Variants in LARP1 observed in about 807,000 individuals in gnomAD.
LARP1 encodes la-related protein 1.
Under a neutral mutation model 122.7 loss-of-function variants are expected in LARP1, and 36 were observed. The observed-to-expected ratio is 0.29, with a 90% confidence interval of 0.22 to 0.39. The LOEUF is 0.39. Among genes scored for constraint, LARP1 ranks in the 10% least tolerant of loss-of-function variants. The pLI is 1.00. For synonymous variants in LARP1, 539 were observed against 528.7 expected, an observed-to-expected ratio of 1.02 and a Z score of -0.27; for missense variants, 1,040 against 1,403.6, an observed-to-expected ratio of 0.74 and a Z score of 4.14.
intron 1 of LARP1, among the ~76,000 whole-genome samples, chr5:154,694,023 G>A (rs1175814118): frequency 3.9e-5 from 6 of 152,058 alleles, no homozygotes; most frequent in African/African-American, 1.2e-4. Context: ...AGAGGAACAC[G>A]TTAAACAACA....
intron 1 of LARP1, among the ~76,000 whole-genome samples, chr5:154,768,352 A>G (rs781739322): frequency 3.9e-5 from 6 of 152,256 alleles, no homozygotes; most frequent in Non-Finnish European, 8.8e-5. Context: ...GTTGTAAACA[A>G]GACACATTGC....
At chr5:154,775,833 C>T (rs1369570058) in intron 1 of LARP1, among the ~76,000 whole-genome samples, 1 of 152,136 alleles carries the variant, frequency 6.6e-6, no homozygotes, top group Non-Finnish European at 1.5e-5. Flanking sequence ...AGTCAGATAC[C>T]TTCTCACTGG....
chr5:154,687,430 G>A (rs923713692), intron 1 of LARP1, among the ~76,000 whole-genome samples: 7 of 152,270 alleles, frequency 4.6e-5, no homozygotes, highest in Non-Finnish European at 1.0e-4. Flanking sequence ...CACCTAGGCC[G>A]GAGTGCAGTG....
intron 1 of LARP1, among the ~76,000 whole-genome samples, chr5:154,779,031 C>T (rs759689138): frequency 4.0e-5 from 6 of 149,978 alleles, no homozygotes; most frequent in African/African-American, 1.5e-4. Flanking sequence ...CCCCGCTTAC[C>T]CCACCTTTTT....
At chr5:154,728,139 A>G (rs1298765394) in intron 1 of LARP1, among the ~76,000 whole-genome samples, 1 of 152,182 alleles carries the variant, frequency 6.6e-6, no homozygotes, top group Non-Finnish European at 1.5e-5. Flanking sequence ...ATAAGTATGA[A>G]TCACTTGGCA....
intron 14 of LARP1, 77 bp from the exon 15 acceptor site, chr5:154,805,804 G>A (rs1010326179): frequency 2.5e-5 from 37 of 1,480,986 alleles, no homozygotes; most frequent in Middle Eastern, 2.4e-4. Context: ...CTGACAGAAC[G>A]GATCAGAGGG....
At chr5:154,747,727 G>A (rs1210211598) in intron 1 of LARP1, among the ~76,000 whole-genome samples, 1 of 152,028 alleles carries the variant, frequency 6.6e-6, no homozygotes, top group East Asian at 1.9e-4. Flanking sequence ...AGCCAGGCAT[G>A]GTTACGCATG....
rs571242184 is a variant in LARP1 at position 154,801,148 on chromosome 5, A to G, written c.1717-859A>G. Among the ~76,000 whole-genome samples the G allele has an allele frequency of 4.6e-5, 7 of 152,348 alleles. No individual in the cohort carries two copies. The South Asian group carries it at 1.2e-3, about 27-fold the overall frequency. Reference sequence around the variant, plus strand: ...GAATAAATACTGTGGGTTTAGACAAATGCTTCTCTCTCAGCGTCTCATATT... The same window carrying G: ...GAATAAATACTGTGGGTTTAGACAAGTGCTTCTCTCTCAGCGTCTCATATT... On this transcript the variant is annotated intron_variant, in intron 10 of 18. Transcript: ENST00000518297.
rs370973430 is a variant in LARP1, at chr5:154,811,523, T to C, written c.2964T>C (p.Tyr988=). 3.2e-5 allele frequency: 51 copies of C among 1,614,216 alleles called. No individual in the cohort carries two copies. The Middle Eastern group carries it at 8.2e-4, about 26-fold the overall frequency. The part of the protein sequence containing the change: ...TVKDYEAGQL[Y]GLEKFWAFLK... ...TACCTCTCCCTACAGGCCAACTGTA[T>C]GGGCTGGAGAAGTTCTGGGCCTTCT... is the stretch of plus-strand genomic sequence containing the variant. Residue 988 remains tyrosine (Y), a synonymous_variant, in exon 18 of 19, where the codon TAT becomes TAC. Transcript: ENST00000518297.
chr5:154,709,677 C>A (rs957982246), upstream of LARP1, among the ~76,000 whole-genome samples: 1 of 140,546 alleles, frequency 7.1e-6, no homozygotes, highest in East Asian at 2.1e-4. Flanking sequence ...GTGACCAAGG[C>A]GAGTGTGCAG....
At chr5:154,746,002 G>A (rs944129532) in intron 1 of LARP1, among the ~76,000 whole-genome samples, 19 of 152,070 alleles carry the variant, frequency 1.2e-4, no homozygotes, top group African/African-American at 4.6e-4. Context: ...CACCATGTTG[G>A]CCGGCCAGGA....
At chr5:154,722,032 C>T (rs1755904461) in intron 1 of LARP1, among the ~76,000 whole-genome samples, 1 of 152,126 alleles carries the variant, frequency 6.6e-6, no homozygotes, top group Non-Finnish European at 1.5e-5. Context: ...TTATCTTTGG[C>T]CTTCATTTCT....
rs371061032 is a variant in LARP1, at chr5:154,811,605, G to A, written c.3046G>A (p.Gly1016Ser). 192 of 1,614,100 alleles carry A rather than the reference G, an allele frequency of 1.2e-4. No individual in the cohort carries two copies. The highest frequency in any genetic ancestry group is 1.8e-4 in the Admixed American group (11 of 60,012). ...DIDPKLQEYL[G>S]KFRRLEDFRV... Reference sequence around the variant, plus strand: ...TGACCCCAAACTGCAAGAATACCTCGGCAAATTCCGACGTCTTGAAGACTT... The same window carrying A: ...TGACCCCAAACTGCAAGAATACCTCAGCAAATTCCGACGTCTTGAAGACTT... The change falls in exon 18 of 19, where the codon GGC becomes AGC. Residue 1016 changes from glycine to serine, a missense_variant. Coordinates refer to ENST00000518297, the MANE Select transcript of LARP1 (RefSeq NM_033551.3).
At chr5:154,687,591 C>T (rs956453345) in intron 1 of LARP1, among the ~76,000 whole-genome samples, 1 of 152,122 alleles carries the variant, frequency 6.6e-6, no homozygotes, top group Non-Finnish European at 1.5e-5. Context: ...CCGTGTTAGC[C>T]GGGATGATCT....
intron 3 of LARP1, among the ~76,000 whole-genome samples, chr5:154,791,294 A>G (rs1044174257): frequency 6.7e-6 from 1 of 149,978 alleles, no homozygotes; most frequent in African/African-American, 2.5e-5. Flanking sequence ...GCTTACTGCA[A>G]CCTCCACCTC....
At chr5:154,785,629 CA>C in intron 1 of LARP1, among the ~76,000 whole-genome samples, 1 of 152,298 alleles carries the variant, frequency 6.6e-6, no homozygotes, top group East Asian at 1.9e-4. Flanking sequence ...CATCCCATAG[CA>C]AAGTCCATGT....
In LARP1 at chr5:154,803,401, C is replaced by T. The variant is rs759307383; in HGVS notation, c.2221C>T (p.Arg741Trp). 2.5e-6 allele frequency: 4 copies of T among 1,614,038 alleles called. No homozygotes were observed. The highest frequency in any genetic ancestry group is 2.2e-5 in the East Asian group (1 of 44,898). ...PNQEVPPGPPRFQQVPTDALA... is the reference protein window; with the variant it reads ...PNQEVPPGPPWFQQVPTDALA... Reference sequence around the variant, plus strand: ...CCAGGAAGTTCCTCCTGGGCCACCTCGGTTCCAGCAAGGTGAGAAGCAGAC... The same window carrying T: ...CCAGGAAGTTCCTCCTGGGCCACCTTGGTTCCAGCAAGGTGAGAAGCAGAC... The change falls in exon 12 of 19, where the codon CGG becomes TGG. Residue 741 changes from arginine to tryptophan, a missense_variant. Coordinates refer to ENST00000518297, the MANE Select transcript of LARP1 (RefSeq NM_033551.3). The surrounding 1 kb of genome is among the most constrained non-coding windows in gnomAD (Gnocchi z 4.4).
chr5:154,697,144 G>T (rs963948094), intron 1 of LARP1, among the ~76,000 whole-genome samples: 10 of 151,860 alleles, frequency 6.6e-5, no homozygotes, highest in Non-Finnish European at 1.0e-4. Context: ...TAAAGATCTT[G>T]GGGCCCGCCA....
At chr5:154,780,200 A>G (rs1756308304) in intron 1 of LARP1, among the ~76,000 whole-genome samples, 1 of 152,216 alleles carries the variant, frequency 6.6e-6, no homozygotes, top group Non-Finnish European at 1.5e-5. Context: ...CAGGACAGAC[A>G]GACAGTGAGA....
Sources: allele counts gnomAD v4.1 joint callset (sites outside exome capture counted in the v4.1 genomes callset), GRCh38; gene constraint gnomAD v4.1.1; non-coding constraint Gnocchi (gnomAD v3.1); transcripts MANE v1.5; gene names NCBI Gene and HGNC (gene_info 2026-07-23, HGNC 2026-07-21).